RAB27B: variants seen among roughly 807,000 people sequenced by gnomAD.
RAB27B encodes ras-related protein Rab-27B.
Under a neutral mutation model 24.6 loss-of-function variants are expected in RAB27B, and 15 were observed. That is an observed-to-expected ratio of 0.61 (90% CI 0.41 to 0.94). The LOEUF (loss-of-function observed/expected upper bound fraction) is 0.94. Ranked by LOEUF, RAB27B falls within the 40% of genes least tolerant of loss-of-function variation. RAB27B has a pLI of 0.00. For missense variants in RAB27B, 261 were observed against 266.8 expected (o/e 0.98, Z 0.15); for synonymous variants, 105 against 92.5 (o/e 1.14, Z -0.78).
At chr18:54,839,913 TAAGTC>T (rs1911042467) in intron 1 of RAB27B, among the ~76,000 whole-genome samples, 1 of 152,216 alleles carries the variant, frequency 6.6e-6, no homozygotes, top group Admixed American at 6.5e-5. Context: ...TGTCTATACA[TAAGTC>T]AATAACATTA....
intron 2 of RAB27B, among the ~76,000 whole-genome samples, chr18:54,813,805 T>A (rs1910040143): frequency 6.6e-6 from 1 of 152,210 alleles, no homozygotes; most frequent in Non-Finnish European, 1.5e-5. Context: ...AGATGAGCGA[T>A]ATCTATACTT....
intron 2 of RAB27B, among the ~76,000 whole-genome samples, chr18:54,760,283 A>G (rs921665944): frequency 1.3e-5 from 2 of 152,312 alleles, no homozygotes; most frequent in Non-Finnish European, 2.9e-5. Flanking sequence ...TGAAAGGGTC[A>G]AGGGAACCAT....
intron 2 of RAB27B, among the ~76,000 whole-genome samples, chr18:54,752,493 CT>C (rs1359415297): frequency 6.6e-6 from 1 of 152,170 alleles, no homozygotes; most frequent in Non-Finnish European, 1.5e-5. Context: ...ATCAGAGTAG[CT>C]GCGAATAAAT....
At chr18:54,785,351 C>T (rs555809834) in intron 2 of RAB27B, among the ~76,000 whole-genome samples, 4 of 151,728 alleles carry the variant, frequency 2.6e-5, no homozygotes, top group Middle Eastern at 3.4e-3. Context: ...ATCTGCCTGT[C>T]TCGGCCTCCC....
intron 2 of RAB27B, among the ~76,000 whole-genome samples, chr18:54,782,930 G>T (rs1206525144): frequency 6.6e-6 from 1 of 151,836 alleles, no homozygotes; most frequent in African/African-American, 2.4e-5. Context: ...GGATTTCTTA[G>T]GATAACATTG....
intron 2 of RAB27B, among the ~76,000 whole-genome samples, chr18:54,783,639 T>G (rs180846717): frequency 6.6e-6 from 1 of 152,276 alleles, no homozygotes; most frequent in East Asian, 1.9e-4. Context: ...CAATTTATTG[T>G]GAGGATGCAC....
At chr18:54,849,482 C>T (rs1243474069) in intron 1 of RAB27B, among the ~76,000 whole-genome samples, 1 of 152,158 alleles carries the variant, frequency 6.6e-6, no homozygotes, top group Non-Finnish European at 1.5e-5. Context: ...CTTTGGGAGG[C>T]CGAGGGAGCG....
intron 1 of RAB27B, among the ~76,000 whole-genome samples, chr18:54,869,520 T>C (rs2065490322): frequency 6.6e-6 from 1 of 152,160 alleles, no homozygotes; most frequent in Non-Finnish European, 1.5e-5. Flanking sequence ...CACTTGTCTT[T>C]TAGTGGGTGT....
intron 2 of RAB27B, among the ~76,000 whole-genome samples, chr18:54,822,188 C>T (rs899253963): frequency 1.3e-5 from 2 of 151,984 alleles, no homozygotes; most frequent in Non-Finnish European, 2.9e-5. Context: ...TATAAGGAAA[C>T]AATCATCAAA....
chr18:54,779,963 T>TCTC (rs1908839861), intron 2 of RAB27B, among the ~76,000 whole-genome samples: 1 of 149,392 alleles, frequency 6.7e-6, no homozygotes, highest in Non-Finnish European at 1.5e-5. Context: ...CCTGACGGCT[T>TCTC]CCTCCTCACC....
Position 54,797,747 on chromosome 18 carries a change from A to G in RAB27B, c.-20+79606A>G, listed in dbSNP as rs183402019. Among the ~76,000 whole-genome samples, 253 of 152,238 alleles carry G rather than the reference A, an allele frequency of 1.7e-3. 1 individual carries two copies. The highest frequency in any genetic ancestry group is 5.5e-3 in the African/African-American group (228 of 41,528). On this transcript the variant is annotated intron_variant, in intron 2 of 4. Transcript: ENST00000586570. Reference sequence around the variant, plus strand: ...GGCTGCCCAATAGACTCGTCTCGGGAGTGGTCTGGGTCATTTCTGTAAACT... The same window carrying G: ...GGCTGCCCAATAGACTCGTCTCGGGGGTGGTCTGGGTCATTTCTGTAAACT...
intron 1 of RAB27B, among the ~76,000 whole-genome samples, chr18:54,868,819 G>A (rs1254260661): frequency 6.6e-6 from 1 of 152,052 alleles, no homozygotes; most frequent in Non-Finnish European, 1.5e-5. Flanking sequence ...TAGAGACGGG[G>A]TTTCACCATG....
chr18:54,835,968 G>A (rs1460007162), intron 1 of RAB27B, among the ~76,000 whole-genome samples: 1 of 151,964 alleles, frequency 6.6e-6, no homozygotes, highest in East Asian at 1.9e-4. Context: ...CCTCAGGAAT[G>A]TACGTACTTG....
At chr18:54,887,139 T>C (rs1913178094) in intron 4 of RAB27B, among the ~76,000 whole-genome samples, 1 of 146,164 alleles carries the variant, frequency 6.8e-6, no homozygotes, top group Non-Finnish European at 1.5e-5. Context: ...GAAAAACAAA[T>C]TACTGGTCTT....
At chr18:54,718,540 A>G (rs1023985097) in intron 2 of RAB27B, among the ~76,000 whole-genome samples, 20 of 152,292 alleles carry the variant, frequency 1.3e-4, no homozygotes, top group African/African-American at 4.6e-4. Flanking sequence ...CCTATCATAG[A>G]TGTAGACTGC....
At chr18:54,806,883 C>T (rs1172753231) in intron 2 of RAB27B, among the ~76,000 whole-genome samples, 1 of 151,916 alleles carries the variant, frequency 6.6e-6, no homozygotes, top group Non-Finnish European at 1.5e-5. Context: ...TACAGTTGAC[C>T]ACATATTAAA....
chr18:54,732,836 C>T (rs898876114), intron 2 of RAB27B, among the ~76,000 whole-genome samples: 1 of 152,162 alleles, frequency 6.6e-6, no homozygotes, highest in Non-Finnish European at 1.5e-5. Flanking sequence ...TAACAAGCAA[C>T]TTCACCAAAT....
chr18:54,829,104 G>A (rs567382027), intron 1 of RAB27B, among the ~76,000 whole-genome samples: 2 of 152,360 alleles, frequency 1.3e-5, no homozygotes, highest in East Asian at 3.9e-4. Flanking sequence ...GAGCGACTTA[G>A]TGAGGCAAGC....
chr18:54,851,650 C>T (rs1911594052), intron 1 of RAB27B, among the ~76,000 whole-genome samples: 1 of 152,064 alleles, frequency 6.6e-6, no homozygotes, highest in Admixed American at 6.6e-5. Flanking sequence ...AATTATTATC[C>T]ACCCTATTCT....
Sources: allele counts gnomAD v4.1 joint callset (sites outside exome capture counted in the v4.1 genomes callset), GRCh38; gene constraint gnomAD v4.1.1; transcripts MANE v1.5; gene names NCBI Gene and HGNC (gene_info 2026-07-23, HGNC 2026-07-21).